The following PBX3 variants were observed in gnomAD, a reference collection of about 807,000 sequenced individuals.
The protein encoded by PBX3 is PBX homeobox 3.
PBX3 carries 14 observed loss-of-function variants against 48.5 expected under a neutral mutation model. The observed-to-expected ratio is 0.29, with a 90% CI of 0.19 to 0.45. The LOEUF (loss-of-function observed/expected upper bound fraction) is 0.45, where lower values mean the gene tolerates loss of function less well. PBX3 is among the 20% of genes least tolerant of loss of function. PBX3 has a pLI of 1.00. For synonymous variants in PBX3, 210 were observed against 200.3 expected, an observed-to-expected ratio of 1.05 and a Z score of -0.41; for missense variants, 386 against 546.7, an observed-to-expected ratio of 0.71 and a Z score of 2.93.
intron 5 of PBX3, among the ~76,000 whole-genome samples, chr9:125,944,559 C>T (rs1842027502): frequency 6.6e-6 from 1 of 152,070 alleles, no homozygotes; most frequent in Non-Finnish European, 1.5e-5. Flanking sequence ...AAATGGATGC[C>T]ATGTGTGGAA....
chr9:125,807,388 C>A (rs898920469), intron 2 of PBX3, among the ~76,000 whole-genome samples: 3 of 151,906 alleles, frequency 2.0e-5, no homozygotes, highest in Non-Finnish European at 4.4e-5. Flanking sequence ...GTAGAATAGG[C>A]GGCTATAGAA....
Position 125,916,978 on chromosome 9 carries a change from A to G in PBX3, c.516+1051A>G, listed in dbSNP as rs547134159. 7.2e-5 allele frequency among the ~76,000 whole-genome samples: 11 copies of G among 152,314 alleles called. No individual in the cohort carries two copies. The South Asian group carries it at 2.3e-3, about 32-fold the overall frequency. On this transcript the variant is annotated intron_variant, in intron 3 of 8. Coordinates refer to ENST00000373489, the MANE Select transcript of PBX3 (RefSeq NM_006195.6). ...AATTTCATAGAGTTCAACCCCAAAT[A>G]AGGAATCAGAATCAGCTAGATACTT...
chr9:125,755,261 C>G (rs1056497542), intron 2 of PBX3, among the ~76,000 whole-genome samples: 1 of 152,048 alleles, frequency 6.6e-6, no homozygotes, highest in Non-Finnish European at 1.5e-5. Context: ...TTTTCACTGT[C>G]TCTATATTAA....
intron 2 of PBX3, among the ~76,000 whole-genome samples, chr9:125,909,322 GA>G (rs1841149110): frequency 6.6e-6 from 1 of 152,108 alleles, no homozygotes; most frequent in Non-Finnish European, 1.5e-5. Context: ...AGAGCAAAGA[GA>G]AAATATAATG....
At chr9:125,789,106 A>C (rs931919461) in intron 2 of PBX3, among the ~76,000 whole-genome samples, 3 of 152,162 alleles carry the variant, frequency 2.0e-5, no homozygotes, top group Non-Finnish European at 2.9e-5. Flanking sequence ...GTTCAAGTTA[A>C]TTCATTTTTC....
chr9:125,750,311 GTATT>G (rs997064454), intron 2 of PBX3, among the ~76,000 whole-genome samples: 22 of 152,112 alleles, frequency 1.4e-4, no homozygotes, highest in African/African-American at 4.8e-4. Context: ...CTCATTATTT[GTATT>G]TATTTATTTA....
intron 2 of PBX3, among the ~76,000 whole-genome samples, chr9:125,820,827 TTG>T (rs1467733803): frequency 1.3e-5 from 2 of 152,236 alleles, no homozygotes; most frequent in African/African-American, 4.8e-5. Context: ...CTATTTGTAT[TTG>T]TAGTGTGGCC....
chr9:125,780,843 G>C (rs1238242908), intron 2 of PBX3, among the ~76,000 whole-genome samples: 1 of 149,644 alleles, frequency 6.7e-6, no homozygotes. Flanking sequence ...CCCAGACGGG[G>C]TGGCTGCCGG....
intron 4 of PBX3, 50 bp from the exon 5 acceptor site, chr9:125,935,421 TA>T: frequency 6.3e-7 from 1 of 1,574,892 alleles, no homozygotes; most frequent in Non-Finnish European, 8.7e-7. Context: ...CCATCCCTCT[TA>T]GGTTAATGCT....
chr9:125,758,815 C>A (rs1468069501), intron 2 of PBX3, among the ~76,000 whole-genome samples: 1 of 151,188 alleles, frequency 6.6e-6, no homozygotes. Context: ...GGGTGCTTTA[C>A]ATGCATTTCT....
At chr9:125,956,835 T>A (rs1842320523) in intron 5 of PBX3, among the ~76,000 whole-genome samples, 1 of 152,332 alleles carries the variant, frequency 6.6e-6, no homozygotes, top group South Asian at 2.1e-4. Flanking sequence ...CTGGGACCAC[T>A]GTACAGACCA....
At chr9:125,751,010 GC>G (rs891348793) in intron 2 of PBX3, among the ~76,000 whole-genome samples, 5 of 152,166 alleles carry the variant, frequency 3.3e-5, no homozygotes, top group Admixed American at 1.3e-4. Context: ...CAAATTCCAA[GC>G]CCCCCCACTC....
intron 2 of PBX3, among the ~76,000 whole-genome samples, chr9:125,785,943 CTT>C (rs201029654): frequency 8.0e-5 from 11 of 138,244 alleles, no homozygotes; most frequent in Admixed American, 2.9e-4. Context: ...TTTAAAGTCG[CTT>C]TTTTTTTTTT....
At chr9:125,865,520 T>C (rs966024093) in intron 2 of PBX3, among the ~76,000 whole-genome samples, 3 of 152,252 alleles carry the variant, frequency 2.0e-5, no homozygotes, top group African/African-American at 7.2e-5. Context: ...TAGTATGATT[T>C]ATAAAATTAT....
chr9:125,787,545 A>G (rs142948124), intron 2 of PBX3, among the ~76,000 whole-genome samples: 2,318 of 152,324 alleles, frequency 0.015, 24 homozygotes, highest in South Asian at 0.037. Context: ...GCAGGTTAAC[A>G]TCGACTACAA....
At position 125,966,075 on chromosome 9, in the gene PBX3, A is replaced by G. The variant is rs1301796355; in HGVS notation, c.*152A>G. On this transcript the variant is annotated 3_prime_UTR_variant, in exon 9 of 9. Coordinates refer to ENST00000373489, the MANE Select transcript of PBX3 (RefSeq NM_006195.6). ...AACTTGGTAAATCTGTTTTTTAAGG[A>G]ATCATAATCATTTGTATTTATACTT... 2 of 522,320 alleles carry G rather than the reference A, an allele frequency of 3.8e-6. No homozygotes were observed. Among genetic ancestry groups the G allele is most frequent in the Non-Finnish European group, 6.9e-6 (2 of 291,762 alleles). The allele number at this position is 522,320 out of a possible 1,614,324, so 32.4% of individuals were successfully genotyped here. A position where few individuals can be genotyped will look rare whatever the true frequency, so the allele number is the denominator to read the frequency against.
chr9:125,762,225 A>G (rs1836687871), intron 2 of PBX3, among the ~76,000 whole-genome samples: 1 of 152,274 alleles, frequency 6.6e-6, no homozygotes, highest in South Asian at 2.1e-4. Context: ...AAAGCTGAGT[A>G]CAATCATGAC....
chr9:125,861,843 C>A (rs1031859309), intron 2 of PBX3, among the ~76,000 whole-genome samples: 2 of 152,056 alleles, frequency 1.3e-5, no homozygotes, highest in Non-Finnish European at 2.9e-5. Flanking sequence ...TGAGGAGTGA[C>A]TAATGGGGAA....
chr9:125,854,316 G>A (rs1839663908), intron 2 of PBX3, among the ~76,000 whole-genome samples: 1 of 151,032 alleles, frequency 6.6e-6, no homozygotes, highest in African/African-American at 2.4e-5. Flanking sequence ...GTTTTTTTTT[G>A]TAGAGACAGG....
Sources: allele counts gnomAD v4.1 joint callset (sites outside exome capture counted in the v4.1 genomes callset), GRCh38; gene constraint gnomAD v4.1.1; transcripts MANE v1.5; gene names NCBI Gene and HGNC (gene_info 2026-07-23, HGNC 2026-07-21).